PPL: variants seen among roughly 807,000 people sequenced by gnomAD.
PPL encodes the protein 190 kDa paraneoplastic pemphigus antigen.
A neutral mutation model predicts 194.4 loss-of-function variants in PPL; 198 were observed. The observed-to-expected ratio is 1.02, with a 90% CI of 0.91 to 1.15. The LOEUF (loss-of-function observed/expected upper bound fraction) is 1.15. Among genes scored for constraint, PPL ranks in the 50% most tolerant of loss-of-function variants. PPL has a pLI of 0.00. For missense variants in PPL, 2,885 were observed against 2,294.8 expected (o/e 1.26, Z -5.25); for synonymous variants, 1,220 against 972.4 (o/e 1.25, Z -4.74).
In PPL at chr16:4,895,328, T is replaced by C. The variant is rs779327195; in HGVS notation, c.1175A>G (p.Lys392Arg). The C allele has an allele frequency of 6.2e-7, 1 of 1,613,386 alleles. No individual in the cohort carries two copies. Among genetic ancestry groups the C allele is most frequent in the South Asian group, 1.1e-5 (1 of 91,086 alleles). The change falls in exon 11 of 22, where the codon AAG becomes AGG. Residue 392 changes from lysine to arginine, a missense_variant. Physicochemically the swap from Lys to Arg is conservative, Grantham distance 26 (BLOSUM62 2). Transcript: ENST00000345988. ...QKRGQQVVPLKYRRETPLKPI... is the reference protein window; with the variant it reads ...QKRGQQVVPLRYRRETPLKPI... ...CTTGAGCGGAGTCTCCCGGCGGTAC[T>C]TGAGGGGCACCACCTGCTGGCCTCG...
chr16:4,908,105 T>C (rs2142379267), intron 2 of PPL, among the ~76,000 whole-genome samples: 1 of 143,978 alleles, frequency 6.9e-6, no homozygotes, highest in East Asian at 2.0e-4. Context: ...GAGGTTGCAG[T>C]GAGCCGAGAT....
chr16:4,933,024 C>T (rs2142433976), intron 1 of PPL, among the ~76,000 whole-genome samples: 1 of 150,576 alleles, frequency 6.6e-6, no homozygotes, highest in Admixed American at 6.6e-5. Flanking sequence ...CTTTTTGAGA[C>T]AGAGTCTCAC....
At position 4,884,772 on chromosome 16, in the gene PPL, T is replaced by C; in HGVS notation, c.3883A>G (p.Ile1295Val). ...TGAGGGTCTTCTTGGAATTGGAGGA[T>C]CTCCTGGACCACCTCTTTGGTCTGG... ...QVQTKEVVQE[I>V]LQFQEDPQTK... The change falls in exon 22 of 22, where the codon ATC (isoleucine) becomes GTC (valine). Residue 1295 changes from isoleucine to valine, a missense_variant. Coordinates refer to ENST00000345988, the MANE Select transcript of PPL (RefSeq NM_002705.5). The surrounding 1 kb of genome is among the most constrained non-coding windows in gnomAD (Gnocchi z 5.7). 3 of 1,614,132 alleles carry C rather than the reference T, an allele frequency of 1.9e-6. No homozygotes were observed. The highest frequency in any genetic ancestry group is 1.7e-6 in the Non-Finnish European group (2 of 1,180,018).
chr16:4,934,881 G>C (rs1226152151), intron 1 of PPL, among the ~76,000 whole-genome samples: 1 of 152,176 alleles, frequency 6.6e-6, no homozygotes, highest in Non-Finnish European at 1.5e-5. Flanking sequence ...TAAGGGGAGG[G>C]GGCAGAGGGA....
In PPL at chr16:4,887,181, C is replaced by G. The variant is rs150641531; in HGVS notation, c.2561G>C (p.Arg854Thr). The G allele has an allele frequency of 6.0e-4, 970 of 1,614,082 alleles. No individual in the cohort carries two copies. The highest frequency in any genetic ancestry group is 7.8e-4 in the Non-Finnish European group (918 of 1,180,008). The change falls in exon 21 of 22, where the codon AGA (arginine) becomes ACA (threonine). Residue 854 changes from arginine to threonine, a missense_variant. Physicochemically the swap from Arg to Thr is moderately conservative, Grantham distance 71. Coordinates refer to ENST00000345988, the MANE Select transcript of PPL (RefSeq NM_002705.5). The stretch of plus-strand genomic sequence containing the variant: ...AAACTCCAGATTCTGCAGCCTCTGT[C>G]TGTTGATGGCATAAACTTCAGTGAA... ...AKFTEVYAINRQRLQNLEFAL... is the reference protein window; with the variant it reads ...AKFTEVYAINTQRLQNLEFAL...
chr16:4,908,519 T>C (rs1361328193), intron 2 of PPL, among the ~76,000 whole-genome samples: 1 of 151,738 alleles, frequency 6.6e-6, no homozygotes, highest in Non-Finnish European at 1.5e-5. Flanking sequence ...GGTGGTGGAA[T>C]TCTACATGAC....
intron 3 of PPL, among the ~76,000 whole-genome samples, chr16:4,903,532 C>T (rs576723500): frequency 2.0e-4 from 31 of 152,122 alleles, no homozygotes; most frequent in African/African-American, 7.2e-4. Context: ...CCAGCCTGGC[C>T]AACATGGAGA....
intron 18 of PPL, among the ~76,000 whole-genome samples, 180 bp from the exon 19 acceptor site, chr16:4,889,241 G>GTTGTTTTTTTTTTTTTTTTTTTTTTTTTT: frequency 1.5e-5 from 1 of 66,636 alleles, no homozygotes; most frequent in African/African-American, 7.6e-5. Context: ...TGTTGTTGTT[G>GTTGTTTTTTTTTTTTTTTTTTTTTTTTTT]TTTTTTTTTT....
chr16:4,909,595 T>A (rs2088778807), intron 2 of PPL, among the ~76,000 whole-genome samples: 1 of 151,874 alleles, frequency 6.6e-6, no homozygotes, highest in East Asian at 1.9e-4. Context: ...CCCAGCTAAT[T>A]GTTGTATTTT....
In PPL at chr16:4,893,490, C is replaced by T. The variant is rs564919638; in HGVS notation, c.1492+51G>A. ...TCCACAGCACAGACCCTGGTCCAGC[C>T]CCTCCTCCCCGGTACCCCCAGAGCC... is the stretch of plus-strand genomic sequence containing the variant. On this transcript the variant is annotated intron_variant, in intron 13 of 21. Coordinates refer to ENST00000345988, the MANE Select transcript of PPL (RefSeq NM_002705.5). 39 of 1,602,624 alleles carry T rather than the reference C, an allele frequency of 2.4e-5. No individual in the cohort carries two copies. In the East Asian group the frequency reaches 2.7e-4, roughly 11 times the overall value.
intron 10 of PPL, 34 bp from the exon 11 acceptor site, chr16:4,895,441 C>T: frequency 6.2e-7 from 1 of 1,608,466 alleles, no homozygotes; most frequent in South Asian, 1.1e-5. Context: ...CCAGGTGAGA[C>T]CAACAGCCTT....
chr16:4,896,233 G>A (rs1040166718), intron 9 of PPL, among the ~76,000 whole-genome samples: 1 of 152,198 alleles, frequency 6.6e-6, no homozygotes, highest in African/African-American at 2.4e-5. Context: ...AGGGAATGAG[G>A]AGTGACACGG....
rs569788222 is a variant in PPL at position 4,886,003 on chromosome 16, C to G, written c.2652G>C (p.Arg884Ser). ...ACGCCTCCTCCACTCCAGAGTCCGG[C>G]CTATTCCTTTGCAGGGTCTCATGGG... ...EVTHETLQRN[R>S]PDSGVEEAWK... is the part of the protein sequence containing the mutation. Residue 884 changes from arginine to serine, a missense_variant, in exon 22 of 22, where the codon AGG becomes AGC. Arg to Ser is a moderately radical substitution (Grantham distance 110, BLOSUM62 -1). Coordinates refer to ENST00000345988, the MANE Select transcript of PPL (RefSeq NM_002705.5). The G allele has an allele frequency of 5.0e-6, 8 of 1,614,002 alleles. No individual in the cohort carries two copies. The East Asian group carries it at 1.1e-4, about 22-fold the overall frequency.
intron 8 of PPL, among the ~76,000 whole-genome samples, chr16:4,898,658 G>T (rs1015865748): frequency 1.3e-5 from 2 of 152,176 alleles, no homozygotes; most frequent in Non-Finnish European, 2.9e-5. Flanking sequence ...AGCTTCCAGA[G>T]GGAATGAGGC....
chr16:4,904,781 C>G (rs184617575), intron 2 of PPL, among the ~76,000 whole-genome samples: 1 of 152,184 alleles, frequency 6.6e-6, no homozygotes, highest in Non-Finnish European at 1.5e-5. Flanking sequence ...TCCAGGGGCT[C>G]TGCAGAGAGG....
chr16:4,884,663 G>A lies in PPL; in HGVS notation c.3992C>T (p.Ser1331Phe), dbSNP rs1354669490. The A allele has an allele frequency of 6.2e-7, 1 of 1,613,956 alleles. No individual in the cohort carries two copies. The highest frequency in any genetic ancestry group is 1.1e-5 in the South Asian group (1 of 91,062). The change falls in exon 22 of 22, where the codon TCC (serine) becomes TTC (phenylalanine). Residue 1331 changes from serine (S) to phenylalanine (F), a missense_variant. Coordinates refer to ENST00000345988, the MANE Select transcript of PPL (RefSeq NM_002705.5). The surrounding 1 kb of genome is among the most constrained non-coding windows in gnomAD (Gnocchi z 5.7). ...KQVDLERERA[S>F]QEEQIARKEE... ...TTTCCGGGCGATCTGCTCTTCCTGG[G>A]AAGCTCTTTCCCTCTCCAGATCCAC...
At chr16:4,891,467 T>G (rs1280132975) in intron 16 of PPL, 8 of 189,452 alleles carry the variant, frequency 4.2e-5, no homozygotes, top group Admixed American at 1.5e-4. Flanking sequence ...TTTTAAGAGA[T>G]AGGGTCTTGC....
intron 16 of PPL, 45 bp downstream of exon 16, chr16:4,891,766 C>A: frequency 6.4e-7 from 1 of 1,566,980 alleles, no homozygotes; most frequent in Non-Finnish European, 8.6e-7. Flanking sequence ...CAGATGCTCT[C>A]ACCTGCTCAG....
chr16:4,926,808 G>A (rs968324556), intron 1 of PPL, among the ~76,000 whole-genome samples: 4 of 141,554 alleles, frequency 2.8e-5, no homozygotes, highest in Non-Finnish European at 6.0e-5. Flanking sequence ...GAACCTGGGA[G>A]GCAGAACTTG....
Sources: allele counts gnomAD v4.1 joint callset (sites outside exome capture counted in the v4.1 genomes callset), GRCh38; gene constraint gnomAD v4.1.1; non-coding constraint Gnocchi (gnomAD v3.1); transcripts MANE v1.5; gene names NCBI Gene and HGNC (gene_info 2026-07-23, HGNC 2026-07-21).